Variants in NPAT observed in about 807,000 individuals in gnomAD.
NPAT encodes protein NPAT.
Under a neutral mutation model 130.7 loss-of-function variants are expected in NPAT, and 52 were observed. That is an observed-to-expected ratio of 0.40 (90% CI 0.32 to 0.50). The LOEUF is 0.50. Among genes scored for constraint, NPAT ranks in the 20% least tolerant of loss-of-function variants. The pLI, the probability that NPAT is intolerant of heterozygous loss-of-function variation, is 0.68. For synonymous variants in NPAT, 580 were observed against 584.8 expected (o/e 0.99, Z 0.12); for missense variants, 1,687 against 1,662.6 (o/e 1.01, Z -0.26).
At chr11:108,190,617 TCA>T in intron 4 of NPAT, 117 bp from the exon 5 acceptor site, 2 of 864,536 alleles carry the variant, frequency 2.3e-6, no homozygotes, top group Non-Finnish European at 3.8e-6. Flanking sequence ...AAAATCTCTC[TCA>T]GACAAAAAAG....
At chr11:108,167,859 A>G (rs2077915203) in intron 15 of NPAT, among the ~76,000 whole-genome samples, 1 of 152,254 alleles carries the variant, frequency 6.6e-6, no homozygotes. Context: ...TAATAAAAGT[A>G]TAACACCTCA....
intron 13 of NPAT, 155 bp from the exon 14 acceptor site, chr11:108,170,198 A>G (rs1334042849): frequency 3.3e-6 from 2 of 605,192 alleles, no homozygotes; most frequent in Admixed American, 2.8e-5. Context: ...AAACAAAACA[A>G]AACAAAAAAA....
intron 4 of NPAT, 54 bp downstream of exon 4, chr11:108,192,064 C>G (rs1313124954): frequency 8.3e-7 from 1 of 1,199,728 alleles, no homozygotes; most frequent in Non-Finnish European, 1.2e-6. Flanking sequence ...AAGATTTAAA[C>G]CCAAAGTGTA....
intron 8 of NPAT, 53 bp downstream of exon 8, chr11:108,186,429 T>C (rs2078108592): frequency 7.4e-7 from 1 of 1,345,232 alleles, no homozygotes; most frequent in Non-Finnish European, 1.1e-6. Flanking sequence ...TATATATCTG[T>C]ATTTTTAAAC....
At chr11:108,183,500 C>T (rs575298947) in intron 10 of NPAT, among the ~76,000 whole-genome samples, 6 of 152,112 alleles carry the variant, frequency 3.9e-5, no homozygotes, top group Non-Finnish European at 8.8e-5. Context: ...ATTGCAGCTG[C>T]TCTTCAAAAA....
intron 2 of NPAT, 82 bp from the exon 3 acceptor site, chr11:108,194,099 C>G: frequency 1.2e-6 from 1 of 801,400 alleles, no homozygotes. Flanking sequence ...TACCATTCAA[C>G]TTAATAAAAG....
chr11:108,159,005 G>A lies in NPAT; in HGVS notation c.4221C>T (p.Pro1407=). 1.2e-6 allele frequency: 2 copies of A among 1,605,776 alleles called. No individual in the cohort carries two copies. Among genetic ancestry groups the A allele is most frequent in the Non-Finnish European group, 1.7e-6 (2 of 1,176,216 alleles). Residue 1407 remains proline (P), a synonymous_variant, in exon 18 of 18, where the codon CCC becomes CCT. Coordinates refer to ENST00000278612, the MANE Select transcript of NPAT (RefSeq NM_002519.3). The part of the protein sequence containing the change: ...KKKKIKKKKL[P]SSFPAGMDVD... ...CATCCATTCCTGCTGGAAATGAACT[G>A]GGAAGCTTCTTTTTCTGTTGAAAAA...
chr11:108,184,419 C>T (rs1334124862), intron 10 of NPAT, among the ~76,000 whole-genome samples: 1 of 150,960 alleles, frequency 6.6e-6, no homozygotes, highest in Non-Finnish European at 1.5e-5. Context: ...TTGCAGTGAC[C>T]TGACATTGTG....
intron 5 of NPAT, among the ~76,000 whole-genome samples, chr11:108,190,227 C>T (rs1297426845): frequency 1.0e-4 from 14 of 138,998 alleles, no homozygotes; most frequent in Middle Eastern, 4.3e-3. Flanking sequence ...GCAGGAGAAT[C>T]GCTTGAACCC....
At chr11:108,202,166 T>C (rs2134881436) in intron 1 of NPAT, among the ~76,000 whole-genome samples, 1 of 152,268 alleles carries the variant, frequency 6.6e-6, no homozygotes, top group Middle Eastern at 3.4e-3. Flanking sequence ...CATGCCACTA[T>C]CTGGAAAGAA....
intron 7 of NPAT, among the ~76,000 whole-genome samples, chr11:108,187,050 T>C (rs1171278825): frequency 6.6e-6 from 1 of 152,198 alleles, no homozygotes; most frequent in African/African-American, 2.4e-5. Flanking sequence ...ACCTACTTTA[T>C]AATGACCAAC....
chr11:108,184,769 G>C (rs761142491), intron 10 of NPAT, among the ~76,000 whole-genome samples: 1 of 152,294 alleles, frequency 6.6e-6, no homozygotes, highest in Middle Eastern at 3.4e-3. Flanking sequence ...GGCCTTAAGT[G>C]ATCTGCCCTC....
intron 2 of NPAT, 119 bp downstream of exon 2, chr11:108,197,183 A>G (rs1591408186): frequency 1.3e-6 from 1 of 778,658 alleles, no homozygotes; most frequent in Admixed American, 1.9e-5. Flanking sequence ...TCATGCATGA[A>G]TATAAACCAC....
chr11:108,218,679 C>CT (rs2078456700), intron 1 of NPAT, among the ~76,000 whole-genome samples: 1 of 152,162 alleles, frequency 6.6e-6, no homozygotes, highest in African/African-American at 2.4e-5. Context: ...GGAGAAACCA[C>CT]TACTAAGCTT....
At chr11:108,189,042 T>C in intron 6 of NPAT, 64 bp downstream of exon 6, 1 of 1,257,396 alleles carries the variant, frequency 8.0e-7, no homozygotes, top group South Asian at 1.2e-5. Flanking sequence ...AAGACATTAG[T>C]ATATTATCTC....
chr11:108,157,309 T>C lies in NPAT; in HGVS notation c.*1633A>G, dbSNP rs896198621. 6.6e-6 allele frequency: 1 copy of C among 152,178 alleles called. No individual in the cohort carries two copies. Among genetic ancestry groups the C allele is most frequent in the African/African-American group, 2.4e-5 (1 of 41,458 alleles). The allele number at this position is 152,178 out of a possible 1,614,324, so 9.4% of individuals were successfully genotyped here. ...AAGAAAACTGTGATTTTCAGCATTG[T>C]ACAAACTCCCAAAAAGAACTGACTT... is the stretch of plus-strand genomic sequence containing the variant. On this transcript the variant is annotated 3_prime_UTR_variant, in exon 18 of 18. Transcript: ENST00000278612.
intron 10 of NPAT, among the ~76,000 whole-genome samples, chr11:108,179,572 C>A (rs2078040741): frequency 6.6e-6 from 1 of 152,182 alleles, no homozygotes; most frequent in Admixed American, 6.5e-5. Context: ...ACATTTAAAT[C>A]TTCCATTTAT....
At chr11:108,188,448 C>A (rs1312619170) in intron 6 of NPAT, among the ~76,000 whole-genome samples, 1 of 152,038 alleles carries the variant, frequency 6.6e-6, no homozygotes, top group African/African-American at 2.4e-5. Flanking sequence ...GAAGTATAAA[C>A]TAAGCATTCT....
chr11:108,209,162 C>G (rs1298639138), intron 1 of NPAT, among the ~76,000 whole-genome samples: 2 of 152,130 alleles, frequency 1.3e-5, no homozygotes, highest in Admixed American at 6.5e-5. Context: ...CGCCTGTAAT[C>G]CCAGATACTC....
Sources: allele counts gnomAD v4.1 joint callset (sites outside exome capture counted in the v4.1 genomes callset), GRCh38; gene constraint gnomAD v4.1.1; transcripts MANE v1.5; gene names NCBI Gene and HGNC (gene_info 2026-07-23, HGNC 2026-07-21).